Variants in DMD observed in about 807,000 individuals in gnomAD.
The protein encoded by DMD is dystrophin, also known as mutant dystrophin.
Under a neutral mutation model 330.1 loss-of-function variants are expected in DMD, and 63 were observed. That is an observed-to-expected ratio of 0.19 (90% confidence interval 0.16 to 0.24). DMD has a LOEUF of 0.24. Among genes scored for constraint, DMD ranks in the 10% least tolerant of loss-of-function variants. DMD has a pLI of 1.00. For missense variants in DMD, 3,344 were observed against 2,684.1 expected, an observed-to-expected ratio of 1.25 and a Z score of -5.43; for synonymous variants, 1,223 against 959.8, an observed-to-expected ratio of 1.27 and a Z score of -5.07.
At chrX:33,330,952 C>T (rs2148964031) in intron 1 of DMD, among the ~76,000 whole-genome samples, 1 of 111,919 alleles carries the variant, frequency 8.9e-6, no homozygotes, top group South Asian at 3.7e-4. Context: ...GTTGCTGTTG[C>T]TCTCTGCTTA....
At chrX:32,173,534 G>T (rs1388429540) in intron 44 of DMD, among the ~76,000 whole-genome samples, 1 of 109,390 alleles carries the variant, frequency 9.1e-6, no homozygotes, top group Non-Finnish European at 1.9e-5. Context: ...TGCCATGCAC[G>T]GCTAATTTTT....
chrX:31,289,278 T>TA (rs2053496060), intron 62 of DMD, among the ~76,000 whole-genome samples: 1 of 62,178 alleles, frequency 1.6e-5, no homozygotes, highest in African/African-American at 9.1e-5. Context: ...AAAAATAAAA[T>TA]AAAATCCATC....
At chrX:32,590,989 C>G (rs980417638) in intron 13 of DMD, among the ~76,000 whole-genome samples, 3 of 111,551 alleles carry the variant, frequency 2.7e-5, no homozygotes, top group African/African-American at 9.8e-5. Flanking sequence ...CCTTAATACA[C>G]TCTGTCTTTA....
At chrX:33,195,568 A>C (rs1006684549) in intron 1 of DMD, among the ~76,000 whole-genome samples, 1 of 112,094 alleles carries the variant, frequency 8.9e-6, no homozygotes, top group African/African-American at 3.2e-5. Context: ...AGACTAAGAA[A>C]GAAAGAGAAA....
Position 32,390,092 on chromosome X carries a change from C to G in DMD, c.4323G>C (p.Leu1441=). Residue 1441 remains leucine, a synonymous_variant, in exon 31 of 79, where the codon CTG becomes CTC. Transcript: ENST00000357033. ...ATACCTGTGCAACATCAATCTGAGA[C>G]AGGACTCTTTGGGCAGCCTCCTTCC... The part of the protein sequence containing the change: ...NQGKEAAQRV[L]SQIDVAQKKL... The G allele has an allele frequency of 8.3e-7, 1 of 1,207,949 alleles. No individual in the cohort carries two copies. Among genetic ancestry groups the G allele is most frequent in the Non-Finnish European group, 1.1e-6 (1 of 892,032 alleles).
intron 44 of DMD, among the ~76,000 whole-genome samples, chrX:32,175,221 T>C (rs921456483): frequency 9.0e-6 from 1 of 111,221 alleles, no homozygotes; most frequent in African/African-American, 3.3e-5. Flanking sequence ...GGGGAACTTT[T>C]CTGTCTTACA....
intron 1 of DMD, among the ~76,000 whole-genome samples, chrX:33,127,710 T>TA (rs1414333110): frequency 4.7e-5 from 1 of 21,473 alleles, no homozygotes; most frequent in Admixed American, 6.4e-4. Flanking sequence ...AATATAAAAA[T>TA]CCCTCATTAG....
chrX:31,281,006 C>A lies in DMD; in HGVS notation c.9225-19990G>T, dbSNP rs188053974. ...TTTCCCATAACTTCCACATATCTAG[C>A]TCAATCCATTCTCAGAATAAAACAG... On this transcript the variant is annotated intron_variant, in intron 62 of 78. Transcript: ENST00000357033. Among the ~76,000 whole-genome samples the A allele has an allele frequency of 1.9e-3, 215 of 111,541 alleles. 2 individuals are homozygous for A. Among genetic ancestry groups the A allele is most frequent in the African/African-American group, 6.8e-3 (209 of 30,762 alleles).
At chrX:32,375,761 A>G (rs1204741550) in intron 34 of DMD, among the ~76,000 whole-genome samples, 3 of 111,471 alleles carry the variant, frequency 2.7e-5, no homozygotes, top group Non-Finnish European at 3.8e-5. Context: ...GTATATTTCT[A>G]CATATTTTAT....
intron 1 of DMD, among the ~76,000 whole-genome samples, chrX:33,022,601 C>G (rs186025997): frequency 4.6e-5 from 5 of 109,782 alleles, no homozygotes; most frequent in Non-Finnish European, 9.5e-5. Flanking sequence ...ATTCTTAGTG[C>G]CTTACTATTC....
chrX:33,120,484 T>C (rs913251783), intron 1 of DMD, among the ~76,000 whole-genome samples: 1 of 111,746 alleles, frequency 8.9e-6, no homozygotes, highest in African/African-American at 3.2e-5. Context: ...AGCAAGATAC[T>C]GCATGGAACT....
intron 1 of DMD, among the ~76,000 whole-genome samples, chrX:33,241,891 A>T (rs113563910): frequency 9.1e-6 from 1 of 110,311 alleles, no homozygotes; most frequent in Non-Finnish European, 1.9e-5. Flanking sequence ...CCACCCAGGT[A>T]GCTGGGATTA....
intron 2 of DMD, among the ~76,000 whole-genome samples, chrX:32,854,133 C>T (rs753691313): frequency 1.8e-5 from 2 of 111,410 alleles, no homozygotes; most frequent in East Asian, 2.8e-4. Flanking sequence ...CAGCCTTGGA[C>T]GTCATCAGGC....
intron 13 of DMD, among the ~76,000 whole-genome samples, chrX:32,592,964 G>A (rs368361652): frequency 2.7e-5 from 3 of 112,976 alleles, no homozygotes; most frequent in South Asian, 3.6e-4. Context: ...GCTGCCTTCC[G>A]CTGCAGCTGG....
chrX:31,121,575 T>A lies in DMD; in HGVS notation c.*344A>T. ...TAAACAACCCAAAATGCGTTCCATA[T>A]AAAGAAATGGCAAGTTATTTAGCTA... On this transcript the variant is annotated 3_prime_UTR_variant, in exon 79 of 79. Coordinates refer to ENST00000357033, the MANE Select transcript of DMD (RefSeq NM_004006.3). 1 of 293,924 alleles carries A rather than the reference T, an allele frequency of 3.4e-6. No individual in the cohort carries two copies. The highest frequency in any genetic ancestry group is 7.0e-5 in the South Asian group (1 of 14,212). The allele number at this position is 293,924 out of a possible 1,213,427, so 24.2% of individuals were successfully genotyped here.
At chrX:31,535,546 C>T (rs187316443) in intron 55 of DMD, among the ~76,000 whole-genome samples, 8 of 100,640 alleles carry the variant, frequency 7.9e-5, no homozygotes, top group Non-Finnish European at 8.0e-5. Flanking sequence ...TAGAAGAAAA[C>T]CTAGGCATTA....
chrX:33,145,791 C>A (rs2047998482), intron 1 of DMD, among the ~76,000 whole-genome samples: 1 of 110,635 alleles, frequency 9.0e-6, no homozygotes, highest in African/African-American at 3.3e-5. Context: ...TGAGCTATAA[C>A]TCACACACCA....
intron 37 of DMD, among the ~76,000 whole-genome samples, chrX:32,353,605 A>C (rs927070876): frequency 9.0e-6 from 1 of 111,598 alleles, no homozygotes; most frequent in Non-Finnish European, 1.9e-5. Context: ...AATAGGTTTT[A>C]GTTATATAGA....
chrX:31,219,077 G>C (rs2045700550), intron 64 of DMD, among the ~76,000 whole-genome samples: 1 of 111,064 alleles, frequency 9.0e-6, no homozygotes, highest in Admixed American at 9.6e-5. Flanking sequence ...GATTCTCTCT[G>C]ACCACAACTT....
Sources: allele counts gnomAD v4.1 joint callset (sites outside exome capture counted in the v4.1 genomes callset), GRCh38; gene constraint gnomAD v4.1.1; transcripts MANE v1.5; gene names NCBI Gene and HGNC (gene_info 2026-07-23, HGNC 2026-07-21).